BHMT2: variants seen among roughly 807,000 people sequenced by gnomAD.
The protein encoded by BHMT2 is S-methylmethionine--homocysteine S-methyltransferase BHMT2.
In BHMT2, 28 loss-of-function variants were observed where a neutral mutation model predicts 39.0. The observed-to-expected ratio is 0.72, with a 90% CI of 0.53 to 0.98. The LOEUF (loss-of-function observed/expected upper bound fraction) is 0.98. Among genes scored for constraint, BHMT2 ranks in the 50% least tolerant of loss-of-function variants. The pLI is 0.00. For missense variants in BHMT2, 410 were observed against 455.6 expected (o/e 0.90, Z 0.91); for synonymous variants, 145 against 160.6 (o/e 0.90, Z 0.74).
intron 4 of BHMT2, 143 bp from the exon 5 acceptor site, chr5:79,082,666 A>T: frequency 1.1e-6 from 1 of 877,626 alleles, no homozygotes. Context: ...TCAGTCTGAT[A>T]GACACACATT....
intron 1 of BHMT2, among the ~76,000 whole-genome samples, chr5:79,073,711 TC>T (rs1469404033): frequency 6.6e-6 from 1 of 152,140 alleles, no homozygotes; most frequent in African/African-American, 2.4e-5. Flanking sequence ...AGTTGAGAGC[TC>T]TCTCTGCCAA....
rs1755826624 is a variant in BHMT2, at chr5:79,083,277, G to T, written c.684G>T (p.Trp228Cys). 6.2e-7 allele frequency: 1 copy of T among 1,614,050 alleles called. No individual in the cohort carries two copies. The highest frequency in any genetic ancestry group is 1.3e-5 in the African/African-American group (1 of 74,936). The stretch of plus-strand genomic sequence containing the variant: ...AGCTCATGAAGGAGGGTCTTGAGTG[G>T]GCAGGGCTGAAAGCGCACCTCATGG... ...TMELMKEGLEWAGLKAHLMVQ... is the reference protein window; with the variant it reads ...TMELMKEGLECAGLKAHLMVQ... Residue 228 changes from tryptophan (W) to cysteine (C), a missense_variant, in exon 6 of 8, where the codon TGG (tryptophan) becomes TGT (cysteine). Transcript: ENST00000255192.
intron 2 of BHMT2, 69 bp from the exon 3 acceptor site, chr5:79,079,300 G>T: frequency 8.1e-7 from 1 of 1,232,072 alleles, no homozygotes; most frequent in South Asian, 1.3e-5. Flanking sequence ...TGCTGCTTTT[G>T]AAAATGATAG....
chr5:79,085,026 C>G (rs1561243219), intron 7 of BHMT2, among the ~76,000 whole-genome samples: 2 of 152,128 alleles, frequency 1.3e-5, no homozygotes, highest in African/African-American at 4.8e-5. Context: ...TCATCTACCC[C>G]TTGGTGTCTT....
chr5:79,078,658 G>A (rs529533677), intron 2 of BHMT2, among the ~76,000 whole-genome samples: 102 of 152,356 alleles, frequency 6.7e-4, no homozygotes, highest in Non-Finnish European at 1.2e-3. Context: ...CGTATCATCA[G>A]TACGATGGCC....
At chr5:79,080,630 A>C (rs1755766109) in intron 3 of BHMT2, 57 bp from the exon 4 acceptor site, 2 of 1,475,656 alleles carry the variant, frequency 1.4e-6, no homozygotes. Flanking sequence ...GTTATCTTTT[A>C]TATTTTACCT....
At chr5:79,083,539 T>C in intron 6 of BHMT2, 89 bp from the exon 7 acceptor site, 1 of 1,519,470 alleles carries the variant, frequency 6.6e-7, no homozygotes, top group Non-Finnish European at 8.8e-7. Context: ...AAGTTTATAG[T>C]TTTTTTAATT....
At chr5:79,079,292 C>A in intron 2 of BHMT2, 77 bp from the exon 3 acceptor site, 1 of 1,100,100 alleles carries the variant, frequency 9.1e-7, no homozygotes, top group Non-Finnish European at 1.3e-6. Context: ...TGAGCTACTG[C>A]TGCTTTTGAA....
chr5:79,077,428 G>GAA (rs11414970), intron 1 of BHMT2, 52 bp from the exon 2 acceptor site: 6,421 of 1,349,028 alleles, frequency 4.8e-3, no homozygotes, highest in South Asian at 0.012. Context: ...ATGCTTTTAG[G>GAA]AAAAAAAAAA....
chr5:79,073,622 G>A (rs1057488282), intron 1 of BHMT2, among the ~76,000 whole-genome samples: 1 of 152,200 alleles, frequency 6.6e-6, no homozygotes, highest in African/African-American at 2.4e-5. Flanking sequence ...AGAAAGAGAT[G>A]AGAATCAGTA....
rs1439868114 is a variant in BHMT2, at chr5:79,088,971, A to G, written c.*397A>G. 1 of 161,006 alleles carries G rather than the reference A, an allele frequency of 6.2e-6. No individual in the cohort carries two copies. Among genetic ancestry groups the G allele is most frequent in the African/African-American group, 2.4e-5 (1 of 41,622 alleles). The allele number at this position is 161,006 out of a possible 1,614,324, so 10.0% of individuals were successfully genotyped here. On this transcript the variant is annotated 3_prime_UTR_variant, in exon 8 of 8. Transcript: ENST00000255192. ...TGAATAATTCAAGTGACTAAGCTAG[A>G]TACTTGAGGATGATAGAGCAACACT...
At position 79,081,064 on chromosome 5, in the gene BHMT2, G is replaced by A; in HGVS notation, c.450+186G>A. ...CTCATTGGTATGCTAGGTTCTCTTAGAGCCAAAGGACAGACCCAAGAGAGG... is the reference window on the plus strand; with the variant it reads ...CTCATTGGTATGCTAGGTTCTCTTAAAGCCAAAGGACAGACCCAAGAGAGG... On this transcript the variant is annotated intron_variant, in intron 4 of 7. Coordinates refer to ENST00000255192, the MANE Select transcript of BHMT2 (RefSeq NM_017614.5). The A allele has an allele frequency of 5.4e-6, 3 of 551,082 alleles. 1 individual carries two copies. The highest frequency in any genetic ancestry group is 9.0e-6 in the Non-Finnish European group (3 of 332,820). The allele number at this position is 551,082 out of a possible 1,614,324, so 34.1% of individuals were successfully genotyped here. A position where few individuals can be genotyped will look rare whatever the true frequency, so the allele number is the denominator to read the frequency against.
chr5:79,074,832 C>G (rs547926701), intron 1 of BHMT2, among the ~76,000 whole-genome samples: 1 of 152,184 alleles, frequency 6.6e-6, no homozygotes, highest in Non-Finnish European at 1.5e-5. Context: ...TAAACTCTCA[C>G]GCAGGAAATG....
chr5:79,080,786 A>G lies in BHMT2; in HGVS notation c.358A>G (p.Lys120Glu). 1 of 1,607,036 alleles carries G rather than the reference A, an allele frequency of 6.2e-7. No homozygotes were observed. The highest frequency in any genetic ancestry group is 1.7e-5 in the Admixed American group (1 of 58,192). Residue 120 changes from lysine (K) to glutamate (E), a missense_variant, in exon 4 of 8, where the codon AAA becomes GAA. By Grantham distance (56) the Lys-to-Glu change is moderately conservative. Coordinates refer to ENST00000255192, the MANE Select transcript of BHMT2 (RefSeq NM_017614.5). ...GGGGATCTGCCAGACATCAATATAC[A>G]AATACCAGAAGGATGAAGCTAGAAT... The part of the protein sequence containing the change: ...AGGICQTSIY[K>E]YQKDEARIKK...
intron 1 of BHMT2, among the ~76,000 whole-genome samples, chr5:79,073,288 A>G (rs1755614909): frequency 1.3e-5 from 2 of 152,080 alleles, no homozygotes; most frequent in Non-Finnish European, 2.9e-5. Context: ...AACATGGTGA[A>G]CCTAATGAAG....
At chr5:79,084,337 C>T (rs1755854066) in intron 7 of BHMT2, among the ~76,000 whole-genome samples, 1 of 152,102 alleles carries the variant, frequency 6.6e-6, no homozygotes, top group African/African-American at 2.4e-5. Context: ...AGTGCAATGA[C>T]ACAATCTCGG....
intron 3 of BHMT2, among the ~76,000 whole-genome samples, chr5:79,079,880 AC>A (rs1434243969): frequency 1.3e-5 from 2 of 152,120 alleles, no homozygotes; most frequent in East Asian, 1.9e-4. Flanking sequence ...ACAGAGCAAG[AC>A]CCCATGTCAG....
At chr5:79,078,649 G>A (rs186620586) in intron 2 of BHMT2, among the ~76,000 whole-genome samples, 12 of 152,352 alleles carry the variant, frequency 7.9e-5, no homozygotes, top group South Asian at 6.2e-4. Context: ...TGAAGTGCCC[G>A]TATCATCAGT....
At chr5:79,085,249 C>T (rs1209610195) in intron 7 of BHMT2, among the ~76,000 whole-genome samples, 4 of 152,188 alleles carry the variant, frequency 2.6e-5, no homozygotes, top group Non-Finnish European at 5.9e-5. Flanking sequence ...CCCTCTATCC[C>T]TTTAAACCTA....
Sources: allele counts gnomAD v4.1 joint callset (sites outside exome capture counted in the v4.1 genomes callset), GRCh38; gene constraint gnomAD v4.1.1; transcripts MANE v1.5; gene names NCBI Gene and HGNC (gene_info 2026-07-23, HGNC 2026-07-21).